PRIM2: variants seen among roughly 807,000 people sequenced by gnomAD.
PRIM2 encodes DNA primase large subunit.
PRIM2 carries 39 observed loss-of-function variants against 67.3 expected under a neutral mutation model. That is an observed-to-expected ratio of 0.58 (90% CI 0.45 to 0.76). The LOEUF is 0.76. Among genes scored for constraint, PRIM2 ranks in the 30% least tolerant of loss-of-function variants. The pLI, the probability that PRIM2 is intolerant of heterozygous loss-of-function variation, is 0.00. For synonymous variants in PRIM2, 143 were observed against 198.7 expected (o/e 0.72, Z 2.36); for missense variants, 398 against 598.7 (o/e 0.66, Z 3.50).
At chr6:57,361,635 T>C (rs1488097999) in intron 5 of PRIM2, among the ~76,000 whole-genome samples, 1 of 151,016 alleles carries the variant, frequency 6.6e-6, no homozygotes, top group Non-Finnish European at 1.5e-5. Context: ...CAAATGTGTC[T>C]TTTAAGATAA....
chr6:57,411,034 T>G (rs1771072191), intron 7 of PRIM2, among the ~76,000 whole-genome samples: 1 of 152,042 alleles, frequency 6.6e-6, no homozygotes, highest in African/African-American at 2.4e-5. Context: ...GGGAGGTGTT[T>G]GGATCATGCG....
chr6:57,290,972 G>T, the PRIM2 span, among the ~76,000 whole-genome samples: 1 of 151,944 alleles, frequency 6.6e-6, no homozygotes, highest in Non-Finnish European at 1.5e-5. Flanking sequence ...AATTTAAAAG[G>T]TAGCAGAAGG....
intron 10 of PRIM2, among the ~76,000 whole-genome samples, chr6:57,544,094 G>A (rs1775236507): frequency 6.6e-6 from 1 of 152,166 alleles, no homozygotes; most frequent in Admixed American, 6.5e-5. Flanking sequence ...AACAGTCAAA[G>A]ACAGGTTTAT....
the PRIM2 span, among the ~76,000 whole-genome samples, chr6:57,253,419 G>A: frequency 2.0e-5 from 3 of 152,126 alleles, no homozygotes; most frequent in Admixed American, 1.3e-4. Flanking sequence ...GCTTCTTGGG[G>A]ACTGTGGGCT....
chr6:57,504,517 C>T (rs1238154685), intron 7 of PRIM2, among the ~76,000 whole-genome samples: 1 of 152,022 alleles, frequency 6.6e-6, no homozygotes, highest in Non-Finnish European at 1.5e-5. Context: ...CTTAACTCAC[C>T]CCTAACCTTT....
chr6:57,632,293 C>G (rs1356403148), intron 13 of PRIM2, 92 bp downstream of exon 13: 15 of 620,478 alleles, frequency 2.4e-5, no homozygotes, highest in Non-Finnish European at 3.5e-5. Flanking sequence ...GGAAACCACT[C>G]TAGCTATTTT....
chr6:57,459,116 T>C (rs1302380245), intron 7 of PRIM2, among the ~76,000 whole-genome samples: 1 of 152,240 alleles, frequency 6.6e-6, no homozygotes, highest in Non-Finnish European at 1.5e-5. Flanking sequence ...ATGCTTGTTT[T>C]GTGATTTTTG....
chr6:57,456,695 T>A (rs1229641957), intron 7 of PRIM2, among the ~76,000 whole-genome samples: 1 of 152,170 alleles, frequency 6.6e-6, no homozygotes, highest in African/African-American at 2.4e-5. Context: ...GTCTAGTTTT[T>A]TTTTTCAAGG....
upstream of PRIM2, among the ~76,000 whole-genome samples, chr6:57,312,483 C>T (rs546536482): frequency 1.3e-5 from 2 of 152,096 alleles, no homozygotes; most frequent in African/African-American, 2.4e-5. Context: ...GCCTGGGCAA[C>T]AGGAAACCCT....
intron 7 of PRIM2, among the ~76,000 whole-genome samples, chr6:57,414,826 TTC>T (rs1215589856): frequency 1.1e-4 from 17 of 152,298 alleles, no homozygotes; most frequent in Admixed American, 1.0e-3. Context: ...TTATTTCTGT[TTC>T]TTTTACCTCA....
intron 6 of PRIM2, 200 bp from the exon 7 acceptor site, chr6:57,381,831 A>G (rs1424064248): frequency 9.1e-6 from 2 of 219,148 alleles, no homozygotes; most frequent in African/African-American, 4.7e-5. Context: ...CAAAACATCA[A>G]CTCTGAAACG....
At chr6:57,241,686 G>GTTTT in the PRIM2 span, among the ~76,000 whole-genome samples, 1,244 of 42,920 alleles carry the variant, frequency 0.029, 40 homozygotes, top group African/African-American at 0.08. Context: ...GCAGAACTAT[G>GTTTT]TATTTTTTTT....
At chr6:57,506,313 A>G (rs1277588812) in intron 7 of PRIM2, among the ~76,000 whole-genome samples, 9 of 152,068 alleles carry the variant, frequency 5.9e-5, no homozygotes, top group African/African-American at 2.2e-4. Flanking sequence ...CTTTTTTTCA[A>G]AAATATAAAA....
At chr6:57,229,129 T>C in the PRIM2 span, among the ~76,000 whole-genome samples, 1 of 152,366 alleles carries the variant, frequency 6.6e-6, no homozygotes, top group South Asian at 2.1e-4. Flanking sequence ...CAATAATGTC[T>C]TTCTTCAGTT....
At chr6:57,500,140 C>G (rs1774101138) in intron 7 of PRIM2, among the ~76,000 whole-genome samples, 1 of 152,148 alleles carries the variant, frequency 6.6e-6, no homozygotes, top group Non-Finnish European at 1.5e-5. Context: ...TTCTGTGGAG[C>G]ATACCTTTAC....
chr6:57,292,410 G>A, the PRIM2 span, among the ~76,000 whole-genome samples: 8,759 of 152,190 alleles, frequency 0.058, 269 homozygotes, highest in Non-Finnish European at 0.072. Context: ...TCATGAAAAT[G>A]GCCATACTGC....
At chr6:57,324,820 CT>C (rs1159872649) in intron 4 of PRIM2, among the ~76,000 whole-genome samples, 2 of 151,948 alleles carry the variant, frequency 1.3e-5, no homozygotes, top group African/African-American at 4.8e-5. Flanking sequence ...TTATGGCTGT[CT>C]TTTTTTAAAA....
At chr6:57,378,424 G>A (rs1291426326) in intron 5 of PRIM2, among the ~76,000 whole-genome samples, 2 of 151,966 alleles carry the variant, frequency 1.3e-5, no homozygotes, top group Non-Finnish European at 2.9e-5. Context: ...GATTGTGCTT[G>A]TCTTTTATTT....
intron 5 of PRIM2, among the ~76,000 whole-genome samples, chr6:57,368,006 A>C (rs1296150459): frequency 2.6e-5 from 4 of 152,242 alleles, no homozygotes; most frequent in Non-Finnish European, 5.9e-5. Flanking sequence ...TGATTACATC[A>C]CAGTGCATTT....
Sources: allele counts gnomAD v4.1 joint callset (sites outside exome capture counted in the v4.1 genomes callset), GRCh38; gene constraint gnomAD v4.1.1; transcripts MANE v1.5; gene names NCBI Gene and HGNC (gene_info 2026-07-23, HGNC 2026-07-21).